The following ADGRB1 variants were observed in gnomAD, a reference collection of about 807,000 sequenced individuals.
The protein encoded by ADGRB1 is brain-specific angiogenesis inhibitor 1.
In ADGRB1, 36 loss-of-function variants were observed where a neutral mutation model predicts 175.7. The observed-to-expected ratio is 0.20, with a 90% confidence interval of 0.16 to 0.27. The LOEUF (loss-of-function observed/expected upper bound fraction) is 0.27, where lower values mean the gene tolerates loss of function less well. ADGRB1 is among the 10% of genes least tolerant of loss of function. The pLI is 1.00. For synonymous variants in ADGRB1, 1,054 were observed against 979.4 expected (o/e 1.08, Z -1.42); for missense variants, 1,731 against 2,255.3 (o/e 0.77, Z 4.71).
At chr8:142,528,042 C>T (rs553216110) in intron 24 of ADGRB1, among the ~76,000 whole-genome samples, 10 of 152,136 alleles carry the variant, frequency 6.6e-5, no homozygotes, top group South Asian at 4.1e-4. Context: ...CCTGTGTGGC[C>T]GTGTAGGTCT....
chr8:142,497,115 C>T (rs1396341512), intron 17 of ADGRB1, among the ~76,000 whole-genome samples: 1 of 152,230 alleles, frequency 6.6e-6, no homozygotes, highest in South Asian at 2.1e-4. Context: ...CTTTATTAAC[C>T]GATTTTACAG....
intron 2 of ADGRB1, among the ~76,000 whole-genome samples, chr8:142,467,256 C>T (rs546474206): frequency 1.3e-5 from 2 of 152,308 alleles, no homozygotes; most frequent in Admixed American, 1.3e-4. Context: ...GGCAGAAGAG[C>T]CAGATGGTTG....
At chr8:142,462,071 G>A (rs1336824114) in intron 1 of ADGRB1, among the ~76,000 whole-genome samples, 6 of 152,120 alleles carry the variant, frequency 3.9e-5, no homozygotes, top group East Asian at 1.9e-4. Context: ...CCAGCCAAGC[G>A]TGTCTGGGGG....
Position 142,542,577 on chromosome 8 carries a change from A to G in ADGRB1, c.4343A>G (p.His1448Arg). 6.7e-7 allele frequency: 1 copy of G among 1,495,922 alleles called. No homozygotes were observed. The allele number at this position is 1,495,922 out of a possible 1,614,324, so 92.7% of individuals were successfully genotyped here. Residue 1448 changes from histidine (H) to arginine (R), a missense_variant, in exon 28 of 31, where the codon CAT (histidine) becomes CGT (arginine). Coordinates refer to ENST00000517894, the MANE Select transcript of ADGRB1 (RefSeq NM_001702.3). This position sits in a 1 kb window ranked among gnomAD's most constrained non-coding sequence, Gnocchi z 6.3. ...GGGGATCCCGGGGAGCCTGCCGCCC[A>G]TCCGGGACCCAGCACGGGGCCCAGC... ...SLGDPGEPAA[H>R]PGPSTGPSTK...
Position 142,481,611 on chromosome 8 carries a change from C to G in ADGRB1, c.2030C>G (p.Thr677Ser). Residue 677 changes from threonine (T) to serine (S), a missense_variant, in exon 11 of 31, where the codon ACC becomes AGC. Transcript: ENST00000517894. ...CTGGTGGAGATCTCTCAGGACGGGA[C>G]CAGCTACAGTGGGGACCTGCTGTCC... ...QTLVEISQDG[T>S]SYSGDLLSTI... The G allele has an allele frequency of 1.2e-6, 2 of 1,604,716 alleles. No individual in the cohort carries two copies. Among genetic ancestry groups the G allele is most frequent in the South Asian group, 1.1e-5 (1 of 88,986 alleles).
chr8:142,465,070 G>A (rs1047656990), intron 2 of ADGRB1, 88 bp downstream of exon 2: 8 of 1,228,050 alleles, frequency 6.5e-6, no homozygotes, highest in Non-Finnish European at 1.1e-6. Context: ...GATGGGGGAA[G>A]TGGGCGGACA....
intron 27 of ADGRB1, 93 bp from the exon 28 acceptor site, chr8:142,541,848 C>G: frequency 1.1e-5 from 15 of 1,346,640 alleles, no homozygotes; most frequent in Non-Finnish European, 1.5e-5. Flanking sequence ...GGCGGCCTCG[C>G]AGGGCAGACT....
At chr8:142,490,622 T>C in intron 16 of ADGRB1, 150 bp from the exon 17 acceptor site, 1 of 880,456 alleles carries the variant, frequency 1.1e-6, no homozygotes, top group South Asian at 1.7e-5. Flanking sequence ...CACCCTGGAC[T>C]CAGTTTCCTC....
chr8:142,539,292 C>G, intron 26 of ADGRB1, 82 bp from the exon 27 acceptor site: 2 of 1,428,978 alleles, frequency 1.4e-6, no homozygotes, highest in Admixed American at 4.1e-5. Context: ...AGCACCGTGG[C>G]CCTCCCGAGC....
intron 24 of ADGRB1, among the ~76,000 whole-genome samples, chr8:142,527,004 G>A (rs574881349): frequency 2.0e-5 from 3 of 152,204 alleles, no homozygotes; most frequent in African/African-American, 7.2e-5. Context: ...CCATGGCCAG[G>A]GGGAGGATGT....
intron 18 of ADGRB1, among the ~76,000 whole-genome samples, chr8:142,516,108 G>A (rs1268087419): frequency 6.6e-6 from 1 of 152,210 alleles, no homozygotes; most frequent in Non-Finnish European, 1.5e-5. Flanking sequence ...GGCCCTGGAG[G>A]CGAGTGCCAG....
At position 142,510,918 on chromosome 8, in the gene ADGRB1, C is replaced by T. The variant is rs1409399981; in HGVS notation, c.2676-14C>T. ...GCTCCGCCTGTCTCCCTCCCGTGTC[C>T]CGCCCGCCCCCAGACCCTCCTCCTC... On this transcript the variant is annotated splice_polypyrimidine_tract_variant and intron_variant, in intron 17 of 30. Transcript: ENST00000517894. This position sits in a 1 kb window ranked among gnomAD's most constrained non-coding sequence, Gnocchi z 6.3. 2 of 933,574 alleles carry T rather than the reference C, an allele frequency of 2.1e-6. No individual in the cohort carries two copies. The highest frequency in any genetic ancestry group is 2.6e-6 in the Non-Finnish European group (2 of 755,904). 57.8% of individuals were successfully genotyped at this position (933,574 alleles called of 1,614,324 possible).
At chr8:142,466,937 A>G (rs1471856197) in intron 2 of ADGRB1, among the ~76,000 whole-genome samples, 1 of 152,212 alleles carries the variant, frequency 6.6e-6, no homozygotes, top group African/African-American at 2.4e-5. Flanking sequence ...GATGGGTCTC[A>G]GGGGCCCGGC....
chr8:142,533,583 A>C, intron 25 of ADGRB1, 117 bp downstream of exon 25: 2 of 1,210,152 alleles, frequency 1.7e-6, no homozygotes, highest in Non-Finnish European at 2.2e-6. Flanking sequence ...AGCATCCATG[A>C]CCCTGACACA....
At position 142,518,228 on chromosome 8, in the gene ADGRB1, G is replaced by C. The variant is rs577805420; in HGVS notation, c.2908G>C (p.Val970Leu). ...CCTGCTCATGCTGGTCATCATCTAC[G>C]TGTCCGTGTGGAGGTGGGTGCCGCC... Reference protein sequence around the residue: ...LTLLMLVIIYVSVWRYIRSER... With the variant: ...LTLLMLVIIYLSVWRYIRSER... The change falls in exon 19 of 31, where the codon GTG becomes CTG. Residue 970 changes from valine (V) to leucine (L), a missense_variant. By Grantham distance (32) the Val-to-Leu change is conservative (BLOSUM62 1). Transcript: ENST00000517894. The C allele has an allele frequency of 1.9e-6, 3 of 1,613,688 alleles. No homozygotes were observed. In the South Asian group the frequency reaches 3.3e-5, roughly 18 times the overall value.
intron 23 of ADGRB1, 39 bp from the exon 24 acceptor site, chr8:142,526,503 G>GGGCCCCCCCCC: frequency 7.9e-7 from 1 of 1,259,274 alleles, no homozygotes; most frequent in Non-Finnish European, 1.1e-6. Flanking sequence ...GCCTACGGCG[G>GGGCCCCCCCCC]CCCCCACCCC....
At position 142,455,535 on chromosome 8, in the gene ADGRB1, T is replaced by C. The variant is rs1839623402; in HGVS notation, c.-220+5431T>C. On this transcript the variant is annotated intron_variant, in intron 1 of 30. Transcript: ENST00000517894. The surrounding 1 kb of genome is among the most constrained non-coding windows in gnomAD (Gnocchi z 4.9). Reference sequence around the variant, plus strand: ...CCTGCAGCCCACCAGGCAACTGGGCTGTCCCGGCCCAGCACAGCTGAGGTC... The same window carrying C: ...CCTGCAGCCCACCAGGCAACTGGGCCGTCCCGGCCCAGCACAGCTGAGGTC... Among the ~76,000 whole-genome samples the C allele has an allele frequency of 1.3e-5, 2 of 152,158 alleles. No individual in the cohort carries two copies. Among genetic ancestry groups the C allele is most frequent in the Non-Finnish European group, 2.9e-5 (2 of 68,030 alleles).
At chr8:142,500,214 T>G (rs1371210155) in intron 17 of ADGRB1, among the ~76,000 whole-genome samples, 3 of 54,056 alleles carry the variant, frequency 5.5e-5, no homozygotes, top group East Asian at 9.6e-4. Flanking sequence ...GCTCCTCCAC[T>G]TCCCCCCGCG....
intron 2 of ADGRB1, among the ~76,000 whole-genome samples, chr8:142,469,573 A>ATG (rs1352521859): frequency 5.0e-5 from 6 of 119,374 alleles, no homozygotes; most frequent in African/African-American, 2.2e-4. Context: ...ATGTGTGTGC[A>ATG]TGTGTGCATG....
Sources: allele counts gnomAD v4.1 joint callset (sites outside exome capture counted in the v4.1 genomes callset), GRCh38; gene constraint gnomAD v4.1.1; non-coding constraint Gnocchi (gnomAD v3.1); transcripts MANE v1.5; gene names NCBI Gene and HGNC (gene_info 2026-07-23, HGNC 2026-07-21).